OSBPL8: variants seen among roughly 807,000 people sequenced by gnomAD.
OSBPL8 encodes oxysterol binding protein like 8.
Under a neutral mutation model 125.5 loss-of-function variants are expected in OSBPL8, and 59 were observed. The ratio of observed to expected loss-of-function variants is 0.47; its 90% CI spans 0.38 to 0.58. The LOEUF is 0.58. Ranked by LOEUF, OSBPL8 falls within the 20% of genes least tolerant of loss-of-function variation. The pLI is 0.00. For synonymous variants in OSBPL8, 330 were observed against 338.9 expected, an observed-to-expected ratio of 0.97 and a Z score of 0.29; for missense variants, 758 against 1,047.8, an observed-to-expected ratio of 0.72 and a Z score of 3.82.
At chr12:76,471,654 C>T (rs1170205248) in intron 2 of OSBPL8, among the ~76,000 whole-genome samples, 1 of 152,186 alleles carries the variant, frequency 6.6e-6, no homozygotes, top group Non-Finnish European at 1.5e-5. Flanking sequence ...ATTCTGCACT[C>T]CCACAGCCTA....
intron 4 of OSBPL8, among the ~76,000 whole-genome samples, chr12:76,432,599 A>C (rs530173858): frequency 1.3e-5 from 2 of 152,290 alleles, no homozygotes; most frequent in African/African-American, 2.4e-5. Context: ...AGAAAAAGAA[A>C]GAAAACTCAA....
intron 4 of OSBPL8, among the ~76,000 whole-genome samples, chr12:76,449,065 T>C (rs554287336): frequency 2.0e-5 from 3 of 152,282 alleles, no homozygotes; most frequent in African/African-American, 7.2e-5. Flanking sequence ...ATTTACAAGG[T>C]AGTACTCATT....
chr12:76,426,067 C>T (rs1296198474), intron 4 of OSBPL8, among the ~76,000 whole-genome samples: 2 of 152,098 alleles, frequency 1.3e-5, no homozygotes, highest in African/African-American at 4.8e-5. Flanking sequence ...ATTTTTAGTT[C>T]CTAATAATGA....
intron 1 of OSBPL8, among the ~76,000 whole-genome samples, chr12:76,551,952 A>G (rs1162713289): frequency 1.3e-5 from 2 of 152,160 alleles, no homozygotes; most frequent in African/African-American, 4.8e-5. Flanking sequence ...AATTTCTTTC[A>G]CATGGTAAAT....
intron 6 of OSBPL8, among the ~76,000 whole-genome samples, chr12:76,400,256 C>T (rs1953993566): frequency 6.6e-6 from 1 of 152,174 alleles, no homozygotes; most frequent in Admixed American, 6.5e-5. Flanking sequence ...TAAGTGAGAA[C>T]ATGCAGTATT....
At chr12:76,400,899 G>A (rs1287388934) in intron 6 of OSBPL8, among the ~76,000 whole-genome samples, 1 of 147,600 alleles carries the variant, frequency 6.8e-6, no homozygotes, top group African/African-American at 2.5e-5. Context: ...CGCAATTCTT[G>A]TGCCTCAGCC....
rs146146373 is a variant in OSBPL8 at position 76,519,833 on chromosome 12, T to C, written c.-67-32215A>G. The stretch of plus-strand genomic sequence containing the variant: ...CATGAACTGAGCAAGAACTCACTCA[T>C]CACCAAGGAGATGGCGCTAAACCAT... On this transcript the variant is annotated intron_variant, in intron 1 of 23. Transcript: ENST00000261183. 5.3e-3 allele frequency among the ~76,000 whole-genome samples: 804 copies of C among 152,214 alleles called. 7 individuals are homozygous for C. The highest frequency in any genetic ancestry group is 0.019 in the African/African-American group (776 of 41,532).
rs1478506893 is a variant in OSBPL8 at position 76,530,075 on chromosome 12, AC to A, written c.-68+29321del. Among the ~76,000 whole-genome samples, 4 of 152,222 alleles carry A rather than the reference AC, an allele frequency of 2.6e-5. No homozygotes were observed. The South Asian group carries it at 8.3e-4, about 32-fold the overall frequency. Reference sequence around the variant, plus strand: ...CATTTTTTTTCTTTTCTTTTTAGACACAGGGTCTCATTCTGTTGCCCAGTCA... The same window carrying A: ...CATTTTTTTTCTTTTCTTTTTAGACAAGGGTCTCATTCTGTTGCCCAGTCA... On this transcript the variant is annotated intron_variant, in intron 1 of 23. Transcript: ENST00000261183.
At chr12:76,518,123 T>TC (rs1484710894) in intron 1 of OSBPL8, among the ~76,000 whole-genome samples, 1 of 152,148 alleles carries the variant, frequency 6.6e-6, no homozygotes, top group Non-Finnish European at 1.5e-5. Context: ...TATCCAAGAC[T>TC]CAAGTCAAAT....
At chr12:76,367,007 G>T (rs1952441766) in intron 21 of OSBPL8, among the ~76,000 whole-genome samples, 1 of 152,202 alleles carries the variant, frequency 6.6e-6, no homozygotes, top group African/African-American at 2.4e-5. Context: ...TGAGAAGAAT[G>T]TGTATTCTTC....
At chr12:76,545,726 G>GT (rs75159872) in intron 1 of OSBPL8, among the ~76,000 whole-genome samples, 9,759 of 152,164 alleles carry the variant, frequency 0.064, 502 homozygotes, top group East Asian at 0.18. Context: ...AATTTACAAT[G>GT]TAAGTAACCA....
Position 76,369,306 on chromosome 12 carries a change from A to G in OSBPL8, c.2241-5T>C, listed in dbSNP as rs574109385. ...AGTGGGTCCCATGGTCGGGTACTAC[A>G]TAAATGAAAAAAAAAAAAACCATTT... On this transcript the variant is annotated splice_region_variant and splice_polypyrimidine_tract_variant and intron_variant, in intron 20 of 23. Transcript: ENST00000261183. 14 of 1,551,652 alleles carry G rather than the reference A, an allele frequency of 9.0e-6. No homozygotes were observed. Among genetic ancestry groups the G allele is most frequent in the Middle Eastern group, 1.7e-4 (1 of 5,766 alleles).
intron 19 of OSBPL8, among the ~76,000 whole-genome samples, chr12:76,370,110 A>G (rs1025640906): frequency 6.6e-6 from 1 of 152,116 alleles, no homozygotes; most frequent in Non-Finnish European, 1.5e-5. Context: ...TGCTGGCTCA[A>G]GATGATAGGA....
chr12:76,373,974 T>C (rs1952717891), intron 17 of OSBPL8, among the ~76,000 whole-genome samples: 1 of 152,118 alleles, frequency 6.6e-6, no homozygotes, highest in Admixed American at 6.6e-5. Context: ...TGCTCCAATG[T>C]CATACTTAAA....
At chr12:76,492,519 A>T (rs1267740494) in intron 1 of OSBPL8, among the ~76,000 whole-genome samples, 1 of 152,134 alleles carries the variant, frequency 6.6e-6, no homozygotes, top group Non-Finnish European at 1.5e-5. Flanking sequence ...TGGGTGAGTG[A>T]GTGAAGCTTC....
At chr12:76,371,646 A>G (rs978328885) in intron 18 of OSBPL8, 62 bp from the exon 19 acceptor site, 3 of 1,312,444 alleles carry the variant, frequency 2.3e-6, no homozygotes, top group Non-Finnish European at 3.0e-6. Flanking sequence ...ATTATATAGT[A>G]TAGTAATATG....
chr12:76,387,484 G>A (rs374000925), intron 12 of OSBPL8, among the ~76,000 whole-genome samples: 2 of 152,102 alleles, frequency 1.3e-5, no homozygotes, highest in South Asian at 2.1e-4. Context: ...AAATTTGTAG[G>A]AGCCATGACT....
chr12:76,497,542 T>C (rs1245839105), intron 1 of OSBPL8, among the ~76,000 whole-genome samples: 1 of 152,234 alleles, frequency 6.6e-6, no homozygotes, highest in Non-Finnish European at 1.5e-5. Context: ...AGTAGCTTCT[T>C]TGCTCAGCAT....
At chr12:76,408,449 G>A (rs1279575037) in intron 5 of OSBPL8, among the ~76,000 whole-genome samples, 4 of 118,600 alleles carry the variant, frequency 3.4e-5, no homozygotes, top group African/African-American at 1.0e-4. Context: ...GTGACAGAGC[G>A]AGACTCCTTC....
Sources: allele counts gnomAD v4.1 joint callset (sites outside exome capture counted in the v4.1 genomes callset), GRCh38; gene constraint gnomAD v4.1.1; transcripts MANE v1.5; gene names NCBI Gene and HGNC (gene_info 2026-07-23, HGNC 2026-07-21).